WDR7: variants seen among roughly 807,000 people sequenced by gnomAD.
The protein encoded by WDR7 is WD repeat domain 7.
In WDR7, 46 loss-of-function variants were observed where a neutral mutation model predicts 169.4. The observed-to-expected ratio is 0.27, with a 90% CI of 0.21 to 0.35. The LOEUF is 0.35. WDR7 is among the 10% of genes least tolerant of loss of function. The probability of loss-of-function intolerance (pLI) is 1.00; values close to 1 mark genes in which losing one functional copy is unlikely to be tolerated. For synonymous variants in WDR7, 612 were observed against 666.8 expected (o/e 0.92, Z 1.27); for missense variants, 1,534 against 1,859.3 (o/e 0.83, Z 3.22).
chr18:56,853,838 T>C (rs185743857), intron 20 of WDR7, among the ~76,000 whole-genome samples: 70 of 152,304 alleles, frequency 4.6e-4, no homozygotes, highest in Admixed American at 1.9e-3. Context: ...CCTCTTAACA[T>C]TGTATTACAA....
At chr18:56,771,445 A>G (rs949218575) in intron 16 of WDR7, among the ~76,000 whole-genome samples, 1 of 151,260 alleles carries the variant, frequency 6.6e-6, no homozygotes, top group Non-Finnish European at 1.5e-5. Flanking sequence ...GGAAAGGTGG[A>G]GCGTGGTGGC....
Position 56,810,755 on chromosome 18 carries a change from A to T in WDR7, c.3191-5276A>T, listed in dbSNP as rs938213303. Among the ~76,000 whole-genome samples, 6 of 152,078 alleles carry T rather than the reference A, an allele frequency of 3.9e-5. 1 individual carries two copies. Among genetic ancestry groups the T allele is most frequent in the African/African-American group, 1.4e-4 (6 of 41,416 alleles). On this transcript the variant is annotated intron_variant, in intron 19 of 27. Transcript: ENST00000254442. ...CTTGGTTGATCTGGAATGTTAGAAAACCAAACTTTTAAAAATTCAGCTTTA... is the reference window on the plus strand; with the variant it reads ...CTTGGTTGATCTGGAATGTTAGAAATCCAAACTTTTAAAAATTCAGCTTTA...
chr18:56,664,268 A>G (rs1318423188), intron 1 of WDR7, among the ~76,000 whole-genome samples: 1 of 152,170 alleles, frequency 6.6e-6, no homozygotes, highest in East Asian at 1.9e-4. Context: ...GAGGGCGCAG[A>G]CTAGAGTACA....
intron 12 of WDR7, among the ~76,000 whole-genome samples, chr18:56,707,258 C>T (rs148735590): frequency 2.0e-3 from 308 of 152,328 alleles, no homozygotes; most frequent in Non-Finnish European, 3.7e-3. Flanking sequence ...GTTGGGATTA[C>T]AGGCATGAGC....
At chr18:57,016,080 G>T (rs745864291) in intron 26 of WDR7, among the ~76,000 whole-genome samples, 3 of 152,100 alleles carry the variant, frequency 2.0e-5, no homozygotes, top group Non-Finnish European at 4.4e-5. Flanking sequence ...CAGAGGCCAC[G>T]TGCAGCCAAC....
chr18:56,871,728 G>C (rs2045955952), intron 20 of WDR7, among the ~76,000 whole-genome samples: 1 of 151,854 alleles, frequency 6.6e-6, no homozygotes, highest in Non-Finnish European at 1.5e-5. Flanking sequence ...TCCATCTTGT[G>C]CCAGAAATTT....
chr18:56,691,870 A>T (rs1422173496), intron 9 of WDR7, 53 bp downstream of exon 9: 4 of 1,403,912 alleles, frequency 2.8e-6, no homozygotes, highest in Non-Finnish European at 3.0e-6. Flanking sequence ...AAAAACTTCT[A>T]CAACTGTATT....
intron 22 of WDR7, among the ~76,000 whole-genome samples, chr18:56,935,107 G>T (rs1255186020): frequency 6.6e-6 from 1 of 152,104 alleles, no homozygotes; most frequent in Non-Finnish European, 1.5e-5. Context: ...TTATTTCATT[G>T]TGTGCCTCGT....
chr18:56,769,073 T>C (rs2044112011), intron 16 of WDR7, among the ~76,000 whole-genome samples: 1 of 152,258 alleles, frequency 6.6e-6, no homozygotes, highest in African/African-American at 2.4e-5. Flanking sequence ...TCTACTTTTT[T>C]TTATACAGTT....
chr18:56,832,139 C>T (rs1310016449), intron 20 of WDR7, among the ~76,000 whole-genome samples: 2 of 152,132 alleles, frequency 1.3e-5, no homozygotes, highest in African/African-American at 4.8e-5. Context: ...ACCTGGAATG[C>T]TTGAGCTTGG....
At chr18:56,660,213 C>CA (rs1328691506) in intron 1 of WDR7, among the ~76,000 whole-genome samples, 1 of 152,052 alleles carries the variant, frequency 6.6e-6, no homozygotes, top group Admixed American at 6.5e-5. Flanking sequence ...ATCAGGGGCT[C>CA]ACTTTTGGAC....
intron 13 of WDR7, among the ~76,000 whole-genome samples, chr18:56,725,298 A>C (rs1447818455): frequency 6.6e-6 from 1 of 150,890 alleles, no homozygotes; most frequent in African/African-American, 2.5e-5. Flanking sequence ...ATTTCTCTAC[A>C]TCCTCTCCAG....
chr18:56,846,085 G>A (rs34743134), intron 20 of WDR7, among the ~76,000 whole-genome samples: 8 of 152,236 alleles, frequency 5.3e-5, no homozygotes, highest in Non-Finnish European at 1.2e-4. Context: ...TGAAATCATT[G>A]ATATATTGTG....
chr18:57,005,283 T>G (rs972021310), intron 26 of WDR7, among the ~76,000 whole-genome samples: 1 of 152,146 alleles, frequency 6.6e-6, no homozygotes, highest in Non-Finnish European at 1.5e-5. Flanking sequence ...ATAATCTTCC[T>G]TTTTTAAAAA....
chr18:56,740,553 G>A (rs897450410), intron 14 of WDR7, among the ~76,000 whole-genome samples: 1 of 152,156 alleles, frequency 6.6e-6, no homozygotes, highest in Admixed American at 6.6e-5. Flanking sequence ...TGTTCAGATA[G>A]AATAAAGGCT....
chr18:56,878,127 A>G (rs1256299285), intron 20 of WDR7, among the ~76,000 whole-genome samples: 1 of 152,232 alleles, frequency 6.6e-6, no homozygotes, highest in Admixed American at 6.5e-5. Flanking sequence ...TTAAGAAAGG[A>G]AATTTTAAGA....
chr18:56,785,805 T>C (rs939257652), intron 19 of WDR7, among the ~76,000 whole-genome samples: 3 of 151,592 alleles, frequency 2.0e-5, no homozygotes, highest in Non-Finnish European at 2.9e-5. Context: ...CCAGTTGCTT[T>C]TCTCAGGATT....
intron 20 of WDR7, among the ~76,000 whole-genome samples, chr18:56,857,461 T>C (rs1481596326): frequency 6.6e-6 from 1 of 152,076 alleles, no homozygotes; most frequent in African/African-American, 2.4e-5. Flanking sequence ...TTCTCTGTGT[T>C]GCCCAGGCCG....
intron 12 of WDR7, among the ~76,000 whole-genome samples, chr18:56,708,190 C>T (rs1022157281): frequency 6.6e-6 from 1 of 151,782 alleles, no homozygotes; most frequent in East Asian, 1.9e-4. Flanking sequence ...CTCGCCAACA[C>T]ACTCAGTAAA....
Sources: allele counts gnomAD v4.1 joint callset (sites outside exome capture counted in the v4.1 genomes callset), GRCh38; gene constraint gnomAD v4.1.1; transcripts MANE v1.5; gene names NCBI Gene and HGNC (gene_info 2026-07-23, HGNC 2026-07-21).